CDKAL1: variants seen among roughly 807,000 people sequenced by gnomAD.
The protein encoded by CDKAL1 is CDKAL1 threonylcarbamoyladenosine tRNA methylthiotransferase.
CDKAL1 carries 32 observed loss-of-function variants against 68.2 expected under a neutral mutation model. The observed-to-expected ratio is 0.47, with a 90% CI of 0.35 to 0.63. The LOEUF is 0.63. Among genes scored for constraint, CDKAL1 ranks in the 30% least tolerant of loss-of-function variants. The pLI, the probability that CDKAL1 is intolerant of heterozygous loss-of-function variation, is 0.00. For missense variants in CDKAL1, 606 were observed against 696.7 expected, an observed-to-expected ratio of 0.87 and a Z score of 1.47; for synonymous variants, 234 against 244.3, an observed-to-expected ratio of 0.96 and a Z score of 0.39.
chr6:21,139,220 T>C (rs1415041238), intron 13 of CDKAL1, among the ~76,000 whole-genome samples: 1 of 152,212 alleles, frequency 6.6e-6, no homozygotes, highest in Non-Finnish European at 1.5e-5. Context: ...CTTTCACCTT[T>C]AAGTGGCTAC....
At chr6:20,555,153 G>A (rs1433890735) in intron 4 of CDKAL1, among the ~76,000 whole-genome samples, 2 of 152,178 alleles carry the variant, frequency 1.3e-5, no homozygotes, top group African/African-American at 4.8e-5. Flanking sequence ...AATTGAACCA[G>A]CCATGGATTC....
intron 10 of CDKAL1, among the ~76,000 whole-genome samples, chr6:20,995,177 T>A (rs1206391620): frequency 3.9e-5 from 6 of 152,200 alleles, no homozygotes; most frequent in Admixed American, 3.9e-4. Context: ...CCACCACATC[T>A]GCACTTACTT....
chr6:21,104,077 T>C (rs1773723626), intron 12 of CDKAL1, among the ~76,000 whole-genome samples: 1 of 152,218 alleles, frequency 6.6e-6, no homozygotes, highest in African/African-American at 2.4e-5. Flanking sequence ...TTGGCTTTAG[T>C]GCTAGAACTT....
intron 5 of CDKAL1, among the ~76,000 whole-genome samples, chr6:20,687,464 A>C (rs1047704038): frequency 6.6e-6 from 1 of 152,180 alleles, no homozygotes; most frequent in Non-Finnish European, 1.5e-5. Context: ...TGTTAGATCA[A>C]TCAGGGATAA....
chr6:20,817,830 T>A (rs543271633), intron 8 of CDKAL1, among the ~76,000 whole-genome samples: 6 of 152,264 alleles, frequency 3.9e-5, no homozygotes, highest in African/African-American at 1.4e-4. Context: ...TTTTTATGGT[T>A]TACATCAGTA....
At chr6:20,703,678 A>G (rs1359344288) in intron 5 of CDKAL1, among the ~76,000 whole-genome samples, 1 of 152,190 alleles carries the variant, frequency 6.6e-6, no homozygotes, top group Non-Finnish European at 1.5e-5. Flanking sequence ...AGGGAAGGTT[A>G]TAATAGTTAA....
chr6:20,997,181 A>G (rs1004387176), intron 10 of CDKAL1, among the ~76,000 whole-genome samples: 1 of 152,196 alleles, frequency 6.6e-6, no homozygotes, highest in Admixed American at 6.5e-5. Flanking sequence ...CTGGAGATTC[A>G]TTATTGTATT....
chr6:21,082,909 T>C (rs1329524478), intron 12 of CDKAL1, among the ~76,000 whole-genome samples: 1 of 150,140 alleles, frequency 6.7e-6, no homozygotes, highest in African/African-American at 2.4e-5. Flanking sequence ...GGTCTCGTTC[T>C]GTTGCCCAGG....
chr6:20,813,322 A>G (rs1424872275), intron 8 of CDKAL1, among the ~76,000 whole-genome samples: 1 of 152,126 alleles, frequency 6.6e-6, no homozygotes, highest in Non-Finnish European at 1.5e-5. Flanking sequence ...CATACTATTT[A>G]GTGCTAGGAT....
intron 11 of CDKAL1, among the ~76,000 whole-genome samples, chr6:21,044,389 C>T (rs1582087187): frequency 6.6e-6 from 1 of 152,156 alleles, no homozygotes; most frequent in Non-Finnish European, 1.5e-5. Context: ...GTCTTTAACT[C>T]AAGCCTTCAT....
At chr6:20,673,036 C>G (rs370443227) in intron 5 of CDKAL1, among the ~76,000 whole-genome samples, 2 of 152,228 alleles carry the variant, frequency 1.3e-5, no homozygotes, top group South Asian at 2.1e-4. Flanking sequence ...CTTGGCCTCC[C>G]AGAGTGCTGG....
At chr6:20,590,038 T>C (rs866261063) in intron 4 of CDKAL1, among the ~76,000 whole-genome samples, 9 of 152,302 alleles carry the variant, frequency 5.9e-5, no homozygotes, top group Middle Eastern at 3.4e-3. Context: ...CAGTTATAAG[T>C]AGTAAATGAA....
chr6:20,541,453 T>C (rs1763384074), intron 2 of CDKAL1, among the ~76,000 whole-genome samples: 1 of 152,286 alleles, frequency 6.6e-6, no homozygotes, highest in South Asian at 2.1e-4. Flanking sequence ...TATCCCCAAG[T>C]TGACATCCTC....
At chr6:21,095,326 G>A (rs1189592842) in intron 12 of CDKAL1, among the ~76,000 whole-genome samples, 5 of 152,172 alleles carry the variant, frequency 3.3e-5, no homozygotes, top group African/African-American at 1.2e-4. Flanking sequence ...CTTTCTGCCT[G>A]TTTGCTCATT....
chr6:21,150,241 G>A (rs534574166), intron 13 of CDKAL1, among the ~76,000 whole-genome samples: 22 of 152,220 alleles, frequency 1.4e-4, no homozygotes, highest in South Asian at 4.2e-4. Flanking sequence ...CAAACAGCAC[G>A]CTTCCGGGGG....
chr6:20,558,498 G>A (rs1476846181), intron 4 of CDKAL1: 4 of 456,598 alleles, frequency 8.8e-6, no homozygotes, highest in Middle Eastern at 3.3e-4. Flanking sequence ...AACAGTAAGT[G>A]CATGAACTAG....
chr6:20,716,430 C>A (rs1198595214), intron 5 of CDKAL1, among the ~76,000 whole-genome samples: 1 of 152,058 alleles, frequency 6.6e-6, no homozygotes, highest in African/African-American at 2.4e-5. Flanking sequence ...ACAGAAAGTA[C>A]AGCAAGAGAT....
chr6:21,152,330 A>G (rs1211374273), intron 13 of CDKAL1, among the ~76,000 whole-genome samples: 5 of 152,152 alleles, frequency 3.3e-5, no homozygotes, highest in East Asian at 3.8e-4. Context: ...GTAGTCTCCA[A>G]TTTAACCTGC....
chr6:21,036,632 C>T (rs1008512658), intron 11 of CDKAL1, among the ~76,000 whole-genome samples: 4 of 152,238 alleles, frequency 2.6e-5, no homozygotes, highest in East Asian at 1.9e-4. Context: ...GTGTTTCACA[C>T]GTTTTTAGCC....
Sources: gnomAD v4.1 joint callset for allele counts (sites outside exome capture counted in the v4.1 genomes callset) on GRCh38, gnomAD v4.1.1 for gene constraint, MANE v1.5 for transcripts, NCBI Gene and HGNC (gene_info 2026-07-23, HGNC 2026-07-21) for gene names.